Variants in NRXN1 observed in about 807,000 individuals in gnomAD.
NRXN1 encodes the protein neurexin 1, also known as neurexin-1.
In NRXN1, 39 loss-of-function variants were observed where a neutral mutation model predicts 150.9. The observed-to-expected ratio is 0.26, with a 90% CI of 0.20 to 0.34. The LOEUF is 0.34. NRXN1 is among the 10% of genes least tolerant of loss of function. The pLI is 1.00. For missense variants in NRXN1, 1,815 were observed against 1,949.9 expected (o/e 0.93, Z 1.30); for synonymous variants, 924 against 757.0 (o/e 1.22, Z -3.62).
Position 50,334,209 on chromosome 2 carries a change from A to ATATATATATG in NRXN1, c.3365-97240_3365-97239insCATATATATA, listed in dbSNP as rs760530144. Among the ~76,000 whole-genome samples the ATATATATATG allele has an allele frequency of 2.7e-4, 33 of 121,468 alleles. 3 individuals carry two copies. The highest frequency in any genetic ancestry group is 2.1e-3 in the East Asian group (9 of 4,208). 79.7% of individuals were successfully genotyped at this position (121,468 alleles called of 152,430 possible). On this transcript the variant is annotated intron_variant, in intron 17 of 22. Coordinates refer to ENST00000401669, the MANE Select transcript of NRXN1 (RefSeq NM_001330078.2). ...CAGGACCAAATATATATATATATAT[A>ATATATATATG]TATGTATGTAGATATTGTTTAACGG...
Position 50,051,837 on chromosome 2 carries a change from T to C in NRXN1, c.4128+1434A>G, listed in dbSNP as rs781012760. ...AGTATCTGGCACATGTAGACAGTGATCAATAAATATATATTTGTGAACACC... is the reference window on the plus strand; with the variant it reads ...AGTATCTGGCACATGTAGACAGTGACCAATAAATATATATTTGTGAACACC... On this transcript the variant is annotated intron_variant, in intron 21 of 22. Transcript: ENST00000401669. Among the ~76,000 whole-genome samples the C allele has an allele frequency of 5.3e-5, 8 of 152,184 alleles. No homozygotes were observed. In the South Asian group the frequency reaches 6.2e-4, roughly 12 times the overall value.
intron 18 of NRXN1, among the ~76,000 whole-genome samples, chr2:50,218,967 TC>T (rs1306892553): frequency 1.3e-5 from 2 of 152,060 alleles, no homozygotes; most frequent in Non-Finnish European, 2.9e-5. Flanking sequence ...TATTTTTTTT[TC>T]TTCTCTATTG....
chr2:50,871,322 C>T (rs969208575), intron 5 of NRXN1, among the ~76,000 whole-genome samples: 1 of 151,648 alleles, frequency 6.6e-6, no homozygotes, highest in African/African-American at 2.4e-5. Context: ...AATGTTTTTT[C>T]TAAAAAGCCC....
Position 51,028,393 on chromosome 2 carries a change from G to C in NRXN1, c.-120C>G, listed in dbSNP as rs1670967147. The C allele has an allele frequency of 6.6e-6, 4 of 603,382 alleles. No individual in the cohort carries two copies. The highest frequency in any genetic ancestry group is 7.9e-6 in the Non-Finnish European group (3 of 377,480). 37.4% of individuals were successfully genotyped at this position (603,382 alleles called of 1,614,324 possible). A position where few individuals can be genotyped will look rare whatever the true frequency, so the allele number is the denominator to read the frequency against. The stretch of plus-strand genomic sequence containing the variant: ...GAAAGGTAAGGGGAAAGGCGGGAGT[G>C]AGAGGGATGTGCCCTCCTTTATCTA... On this transcript the variant is annotated 5_prime_UTR_variant, in exon 2 of 23. Transcript: ENST00000401669.
chr2:50,927,548 T>C (rs1318856718), intron 2 of NRXN1, among the ~76,000 whole-genome samples: 2 of 152,032 alleles, frequency 1.3e-5, no homozygotes, highest in East Asian at 1.9e-4. Flanking sequence ...AGTGGTGACT[T>C]TGATGTTACA....
intron 9 of NRXN1, among the ~76,000 whole-genome samples, chr2:50,543,361 C>T (rs1279267773): frequency 1.3e-5 from 2 of 152,052 alleles, no homozygotes; most frequent in African/African-American, 4.8e-5. Context: ...TTTCATGCTT[C>T]ACTATTTAAG....
At chr2:50,804,493 T>G (rs899362798) in intron 5 of NRXN1, among the ~76,000 whole-genome samples, 5 of 152,190 alleles carry the variant, frequency 3.3e-5, no homozygotes, top group Non-Finnish European at 5.9e-5. Context: ...GTTGAGTCTC[T>G]CAGACTCCAA....
At position 50,538,467 on chromosome 2, in the gene NRXN1, G is replaced by A. The variant is rs965288312; in HGVS notation, c.1929C>T (p.Cys643=). 4 of 1,613,776 alleles carry A rather than the reference G, an allele frequency of 2.5e-6. No individual in the cohort carries two copies. The highest frequency in any genetic ancestry group is 1.3e-5 in the African/African-American group (1 of 74,922). The part of the protein sequence containing the change: ...TALLNYGYVG[C]IRDLFIDGQS... ...GGCCATCGATGAACAAATCCCTGAT[G>A]CAGCCCACGTAGCCATAGTTGAGCA... The change falls in exon 10 of 23, where the codon TGC becomes TGT. Residue 643 remains cysteine (C), a synonymous_variant. Transcript: ENST00000401669.
At chr2:50,231,757 T>C (rs1247345085) in intron 18 of NRXN1, among the ~76,000 whole-genome samples, 1 of 152,078 alleles carries the variant, frequency 6.6e-6, no homozygotes, top group Non-Finnish European at 1.5e-5. Context: ...GTGACTTTCT[T>C]CTGTCAGAGA....
chr2:50,894,067 C>T (rs1036020774), intron 5 of NRXN1, among the ~76,000 whole-genome samples: 10 of 151,344 alleles, frequency 6.6e-5, no homozygotes, highest in African/African-American at 2.2e-4. Context: ...GGAAGGGGAA[C>T]ATCACACTCT....
At chr2:50,278,480 G>A (rs549045226) in intron 17 of NRXN1, among the ~76,000 whole-genome samples, 4 of 150,202 alleles carry the variant, frequency 2.7e-5, no homozygotes, top group East Asian at 3.9e-4. Context: ...CTTTAAAAAC[G>A]TATCTCAATC....
intron 18 of NRXN1, among the ~76,000 whole-genome samples, chr2:50,100,778 G>C (rs1310487517): frequency 6.6e-6 from 1 of 152,050 alleles, no homozygotes; most frequent in Non-Finnish European, 1.5e-5. Flanking sequence ...TCCATCCACT[G>C]AGACAACAAC....
At chr2:50,592,136 C>G (rs1018542791) in intron 8 of NRXN1, among the ~76,000 whole-genome samples, 2 of 152,246 alleles carry the variant, frequency 1.3e-5, no homozygotes, top group African/African-American at 4.8e-5. Flanking sequence ...TCACTATAAA[C>G]TGTGCTTGCT....
intron 8 of NRXN1, among the ~76,000 whole-genome samples, chr2:50,566,825 T>C (rs1177327577): frequency 6.6e-6 from 1 of 152,140 alleles, no homozygotes; most frequent in African/African-American, 2.4e-5. Context: ...CCCCATGGGA[T>C]AGTAGCTGAG....
intron 21 of NRXN1, among the ~76,000 whole-genome samples, chr2:49,990,659 T>G (rs1048046510): frequency 2.0e-5 from 3 of 152,054 alleles, no homozygotes; most frequent in Non-Finnish European, 4.4e-5. Flanking sequence ...GTAAGTAATT[T>G]GGGAAGTGAA....
intron 5 of NRXN1, among the ~76,000 whole-genome samples, chr2:50,915,115 T>C (rs6730308): frequency 0.078 from 11,865 of 151,748 alleles, 521 homozygotes; most frequent in South Asian, 0.12. Flanking sequence ...TTTAGTCTCC[T>C]TAACATTTTT....
chr2:50,802,223 G>A (rs1707693043), intron 5 of NRXN1, among the ~76,000 whole-genome samples: 1 of 152,196 alleles, frequency 6.6e-6, no homozygotes, highest in African/African-American at 2.4e-5. Context: ...TGGGTGCAGT[G>A]GCTCATGCAT....
At chr2:50,827,385 A>C (rs1670600809) in intron 5 of NRXN1, among the ~76,000 whole-genome samples, 1 of 152,334 alleles carries the variant, frequency 6.6e-6, no homozygotes, top group African/African-American at 2.4e-5. Flanking sequence ...GCAGCAAATA[A>C]TTAATGTGCT....
chr2:50,730,975 C>T (rs1307181854), intron 5 of NRXN1, among the ~76,000 whole-genome samples: 2 of 152,042 alleles, frequency 1.3e-5, no homozygotes, highest in Non-Finnish European at 2.9e-5. Flanking sequence ...GCCCGGCCTT[C>T]CCTTATCTTT....
Sources: allele counts gnomAD v4.1 joint callset (sites outside exome capture counted in the v4.1 genomes callset), GRCh38; gene constraint gnomAD v4.1.1; transcripts MANE v1.5; gene names NCBI Gene and HGNC (gene_info 2026-07-23, HGNC 2026-07-21).